Variants in DPP6 observed in about 807,000 individuals in gnomAD.
The protein encoded by DPP6 is dipeptidyl peptidase like 6.
A neutral mutation model predicts 122.6 loss-of-function variants in DPP6; 69 were observed. That is an observed-to-expected ratio of 0.56 (90% CI 0.46 to 0.69). The LOEUF is 0.69. DPP6 is among the 30% of genes least tolerant of loss of function. DPP6 has a pLI of 0.00. For synonymous variants in DPP6, 418 were observed against 433.1 expected, an observed-to-expected ratio of 0.97 and a Z score of 0.43; for missense variants, 928 against 1,116.9, an observed-to-expected ratio of 0.83 and a Z score of 2.41.
chr7:153,918,795 C>T (rs919521350), intron 1 of DPP6, among the ~76,000 whole-genome samples: 11 of 151,940 alleles, frequency 7.2e-5, no homozygotes, highest in Non-Finnish European at 1.3e-4. Flanking sequence ...ACCTGGCCAA[C>T]ATGGTGAAAC....
the DPP6 span, among the ~76,000 whole-genome samples, chr7:153,786,112 A>G: frequency 1.3e-5 from 2 of 152,194 alleles, no homozygotes; most frequent in Non-Finnish European, 2.9e-5. Context: ...ATAATTGGCC[A>G]TGTACTGAGC....
At chr7:154,192,275 C>T (rs1000342069) in intron 1 of DPP6, among the ~76,000 whole-genome samples, 1 of 152,186 alleles carries the variant, frequency 6.6e-6, no homozygotes, top group African/African-American at 2.4e-5. Flanking sequence ...TCACTGATTC[C>T]TCATGAAAAT....
Position 154,870,609 on chromosome 7 carries a change from A to C in DPP6, c.1814-2015A>C, listed in dbSNP as rs145505324. On this transcript the variant is annotated intron_variant, in intron 18 of 25. Coordinates refer to ENST00000377770, the MANE Select transcript of DPP6 (RefSeq NM_130797.4). ...CAATAGAGTGAGACTTTGTCTCAAA[A>C]AACAAAAAACAAACAAACAAACAAA... is the stretch of plus-strand genomic sequence containing the variant. 5.3e-4 allele frequency among the ~76,000 whole-genome samples: 80 copies of C among 152,152 alleles called. No individual in the cohort carries two copies. The East Asian group carries it at 0.015, about 29-fold the overall frequency.
chr7:154,767,743 G>A (rs147302154), intron 8 of DPP6, among the ~76,000 whole-genome samples: 1 of 152,202 alleles, frequency 6.6e-6, no homozygotes, highest in East Asian at 1.9e-4. Context: ...CAGGGCTCCT[G>A]AATTCATTTT....
intron 1 of DPP6, among the ~76,000 whole-genome samples, chr7:153,914,597 A>G (rs1215028180): frequency 6.6e-6 from 1 of 152,240 alleles, no homozygotes; most frequent in Non-Finnish European, 1.5e-5. Flanking sequence ...GAGTTGTGCT[A>G]CCATCACCAC....
chr7:154,664,384 T>G (rs1838008818), intron 6 of DPP6, among the ~76,000 whole-genome samples: 2 of 152,254 alleles, frequency 1.3e-5, no homozygotes, highest in Admixed American at 1.3e-4. Context: ...TTTCTGAATA[T>G]CTTAGATACC....
At chr7:154,068,224 A>G (rs1802879457) in intron 1 of DPP6, among the ~76,000 whole-genome samples, 1 of 151,802 alleles carries the variant, frequency 6.6e-6, no homozygotes, top group South Asian at 2.1e-4. Context: ...TTGACACAGC[A>G]ATCCTGTGGT....
At position 154,772,882 on chromosome 7, in the gene DPP6, T is replaced by C; in HGVS notation, c.1076T>C (p.Ile359Thr). The C allele has an allele frequency of 9.3e-6, 15 of 1,613,470 alleles. No homozygotes were observed. Among genetic ancestry groups the C allele is most frequent in the Non-Finnish European group, 1.3e-5 (15 of 1,179,770 alleles). Residue 359 changes from isoleucine (I) to threonine (T), a missense_variant, in exon 10 of 26, where the codon ATT (isoleucine) becomes ACT (threonine). Physicochemically the swap from Ile to Thr is moderately conservative, Grantham distance 89. Transcript: ENST00000377770. The part of the protein sequence containing the change: ...SENPSISLHV[I>T]GLNGPTHDLE... ...AACCCCAGCATTTCCCTACACGTTA[T>C]TGGCTTAAATGGACCCACCCATGAT...
chr7:154,827,147 A>G (rs566898141), intron 16 of DPP6, among the ~76,000 whole-genome samples: 1 of 151,130 alleles, frequency 6.6e-6, no homozygotes, highest in African/African-American at 2.4e-5. Flanking sequence ...TTTAAATCAG[A>G]TGTTACGGGC....
chr7:154,769,365 A>C, intron 8 of DPP6, 52 bp from the exon 9 acceptor site: 1 of 1,605,604 alleles, frequency 6.2e-7, no homozygotes, highest in Non-Finnish European at 8.5e-7. Flanking sequence ...GTGCAGCTCC[A>C]ATTTCCACTC....
At chr7:154,359,554 T>C (rs1490722705) in intron 1 of DPP6, among the ~76,000 whole-genome samples, 1 of 152,178 alleles carries the variant, frequency 6.6e-6, no homozygotes, top group Non-Finnish European at 1.5e-5. Context: ...GGCTTGCTCA[T>C]TTTCATTTCT....
At chr7:153,915,293 A>G (rs938101732) in intron 1 of DPP6, among the ~76,000 whole-genome samples, 1 of 152,166 alleles carries the variant, frequency 6.6e-6, no homozygotes, top group African/African-American at 2.4e-5. Context: ...ATCCTAAAGG[A>G]TATCTAAGAA....
chr7:154,015,821 C>G lies in DPP6; in HGVS notation c.51+128087C>G, dbSNP rs539534548. Among the ~76,000 whole-genome samples the G allele has an allele frequency of 3.3e-5, 5 of 152,220 alleles. No individual in the cohort carries two copies. The South Asian group carries it at 1.0e-3, about 32-fold the overall frequency. On this transcript the variant is annotated intron_variant, in intron 1 of 25. Coordinates refer to the DPP6 transcript ENST00000404039. ...CCAAGAGGTCCCTGCTTCCACTCCC[C>G]CTCCCACACCCATTCTCCCTAAGAC...
At chr7:154,295,250 G>C (rs541329398) in intron 1 of DPP6, among the ~76,000 whole-genome samples, 2 of 152,342 alleles carry the variant, frequency 1.3e-5, no homozygotes, top group East Asian at 3.9e-4. Flanking sequence ...AAGCTGGAGT[G>C]AGACATGAGC....
intron 16 of DPP6, among the ~76,000 whole-genome samples, chr7:154,811,906 A>T (rs910999672): frequency 9.9e-5 from 15 of 152,176 alleles, no homozygotes; most frequent in African/African-American, 1.4e-4. Flanking sequence ...TGTTATATAA[A>T]TTAACTTAGT....
At chr7:154,768,284 C>T (rs1432810051) in intron 8 of DPP6, among the ~76,000 whole-genome samples, 6 of 152,230 alleles carry the variant, frequency 3.9e-5, no homozygotes, top group African/African-American at 7.2e-5. Context: ...ACTGTGCCCT[C>T]CTGTGGGCAG....
chr7:153,822,842 A>T, the DPP6 span, among the ~76,000 whole-genome samples: 3 of 152,350 alleles, frequency 2.0e-5, no homozygotes, highest in East Asian at 5.8e-4. Flanking sequence ...TATGGATTGC[A>T]TACTTTCTTC....
chr7:154,893,533 G>C lies in DPP6; in HGVS notation c.*1053G>C, dbSNP rs1806819821. 6.6e-6 allele frequency: 1 copy of C among 151,288 alleles called. No homozygotes were observed. Among genetic ancestry groups the C allele is most frequent in the Non-Finnish European group, 1.5e-5 (1 of 67,938 alleles). 9.4% of individuals were successfully genotyped at this position (151,288 alleles called of 1,614,324 possible). A position where few individuals can be genotyped will look rare whatever the true frequency, so the allele number is the denominator to read the frequency against. ...CCCACAGGCCCGCTGTGTGTGCTCG[G>C]GCCACGGGAGTCCTGAGGGTTCTGT... On this transcript the variant is annotated 3_prime_UTR_variant, in exon 26 of 26. Coordinates refer to ENST00000377770, the MANE Select transcript of DPP6 (RefSeq NM_130797.4).
chr7:154,416,080 T>C (rs1033313822), intron 1 of DPP6, among the ~76,000 whole-genome samples: 18 of 152,022 alleles, frequency 1.2e-4, no homozygotes, highest in African/African-American at 3.9e-4. Context: ...GATAAACAAT[T>C]CATAGGTTTT....
Sources: gnomAD v4.1 joint callset for allele counts (sites outside exome capture counted in the v4.1 genomes callset) on GRCh38, gnomAD v4.1.1 for gene constraint, MANE v1.5 for transcripts, NCBI Gene and HGNC (gene_info 2026-07-23, HGNC 2026-07-21) for gene names.